Variants in CNOT6 observed in about 807,000 individuals in gnomAD.
CNOT6 encodes carbon catabolite repression 4 protein.
In CNOT6, 12 loss-of-function variants were observed where a neutral mutation model predicts 61.2. The observed-to-expected ratio is 0.20, with a 90% CI of 0.13 to 0.32. The LOEUF (loss-of-function observed/expected upper bound fraction) is 0.32. Ranked by LOEUF, CNOT6 falls within the 10% of genes least tolerant of loss-of-function variation. The pLI, the probability that CNOT6 is intolerant of heterozygous loss-of-function variation, is 1.00. For missense variants in CNOT6, 405 were observed against 663.9 expected (o/e 0.61, Z 4.28); for synonymous variants, 225 against 240.6 (o/e 0.94, Z 0.60).
chr5:180,546,544 A>G (rs1455383500), intron 2 of CNOT6, among the ~76,000 whole-genome samples: 2 of 152,084 alleles, frequency 1.3e-5, no homozygotes, highest in Admixed American at 6.6e-5. Flanking sequence ...CCTCCCATCC[A>G]TTATTTCTTT....
In CNOT6 at chr5:180,573,336, C is replaced by G. The variant is rs1375676030; in HGVS notation, c.1462-652C>G. On this transcript the variant is annotated intron_variant, in intron 11 of 11. Transcript: ENST00000261951. ...TGGAGCTGAGGTGTGATGAGAGAGA[C>G]AAGTCTCAACCACACAAATGAGTAG... Among the ~76,000 whole-genome samples, 6 of 151,944 alleles carry G rather than the reference C, an allele frequency of 3.9e-5. No homozygotes were observed. The South Asian group carries it at 1.0e-3, about 26-fold the overall frequency.
intron 3 of CNOT6, among the ~76,000 whole-genome samples, chr5:180,552,465 C>T (rs1348485221): frequency 6.6e-6 from 1 of 151,682 alleles, no homozygotes; most frequent in South Asian, 2.1e-4. Context: ...CACGGTGAAA[C>T]CCCGTCTCTA....
At chr5:180,571,735 CT>C in intron 11 of CNOT6, among the ~76,000 whole-genome samples, 1 of 151,982 alleles carries the variant, frequency 6.6e-6, no homozygotes, top group African/African-American at 2.4e-5. Context: ...CTGGCTAATT[CT>C]TGTATTTTTT....
chr5:180,519,865 C>A (rs142064120), intron 1 of CNOT6, among the ~76,000 whole-genome samples: 1 of 145,784 alleles, frequency 6.9e-6, no homozygotes, highest in Non-Finnish European at 1.5e-5. Flanking sequence ...AAAGGAATCT[C>A]GCTCTATTGC....
intron 1 of CNOT6, among the ~76,000 whole-genome samples, chr5:180,517,094 G>A (rs1757668425): frequency 6.6e-6 from 1 of 152,152 alleles, no homozygotes; most frequent in African/African-American, 2.4e-5. Context: ...GTGGCTTTTA[G>A]CATTTCATTA....
At chr5:180,508,276 C>T (rs972167652) in intron 1 of CNOT6, among the ~76,000 whole-genome samples, 2 of 152,112 alleles carry the variant, frequency 1.3e-5, no homozygotes, top group Non-Finnish European at 2.9e-5. Flanking sequence ...TGGGTGTAAG[C>T]ATAGGAGAAA....
At chr5:180,566,185 G>A (rs968628345) in intron 7 of CNOT6, among the ~76,000 whole-genome samples, 1 of 152,176 alleles carries the variant, frequency 6.6e-6, no homozygotes, top group African/African-American at 2.4e-5. Context: ...GGATTTATGC[G>A]TTTGCCATGA....
intron 3 of CNOT6, among the ~76,000 whole-genome samples, chr5:180,550,325 C>T (rs1759533503): frequency 6.6e-6 from 1 of 152,004 alleles, no homozygotes. Context: ...GTGGCGGGCA[C>T]CTGTAGTCCC....
At chr5:180,540,882 C>T (rs984912176) in intron 2 of CNOT6, among the ~76,000 whole-genome samples, 2 of 151,930 alleles carry the variant, frequency 1.3e-5, no homozygotes, top group African/African-American at 2.4e-5. Flanking sequence ...AGTATTTTTC[C>T]GTATACTTAG....
intron 2 of CNOT6, among the ~76,000 whole-genome samples, chr5:180,530,107 A>G (rs1758283610): frequency 6.6e-6 from 1 of 152,214 alleles, no homozygotes. Flanking sequence ...CTGTTGGCCT[A>G]TTATGCTTCC....
At chr5:180,527,042 G>A (rs1479308385) in intron 1 of CNOT6, among the ~76,000 whole-genome samples, 1 of 151,984 alleles carries the variant, frequency 6.6e-6, no homozygotes, top group African/African-American at 2.4e-5. Flanking sequence ...ACCATGCTTG[G>A]CTAATTTTTA....
At chr5:180,520,581 G>T (rs1166176790) in intron 1 of CNOT6, among the ~76,000 whole-genome samples, 1 of 152,012 alleles carries the variant, frequency 6.6e-6, no homozygotes, top group Admixed American at 6.5e-5. Context: ...GTCAGAGGTT[G>T]CAGTGAGCCA....
At chr5:180,499,835 CTTAT>C (rs1020078872) in intron 1 of CNOT6, among the ~76,000 whole-genome samples, 2 of 152,292 alleles carry the variant, frequency 1.3e-5, no homozygotes, top group Middle Eastern at 3.4e-3. Context: ...AGAAGAATTA[CTTAT>C]AATCAGATGG....
At chr5:180,544,818 G>A (rs1759231038) in intron 2 of CNOT6, among the ~76,000 whole-genome samples, 1 of 152,166 alleles carries the variant, frequency 6.6e-6, no homozygotes, top group African/African-American at 2.4e-5. Flanking sequence ...AGGGAACCAG[G>A]CGCAGTGGCT....
At chr5:180,496,122 C>A (rs1490883456) in intron 1 of CNOT6, among the ~76,000 whole-genome samples, 1 of 152,134 alleles carries the variant, frequency 6.6e-6, no homozygotes, top group East Asian at 1.9e-4. Context: ...AGGCTGGTCT[C>A]CGACTCCAGG....
At position 180,564,494 on chromosome 5, in the gene CNOT6, C is replaced by T. The variant is rs765996673; in HGVS notation, c.391C>T (p.Pro131Ser). ...TATTTCAAAAATATTTCCAGGAAAT[C>T]CCCTTACCCAGGATATATTGAACCT... ...QLQTLGLKGN[P>S]LTQDILNLYQ... Residue 131 changes from proline to serine, a missense_variant, in exon 5 of 12, where the codon CCC (proline) becomes TCC (serine). Physicochemically the swap from Pro to Ser is moderately conservative, Grantham distance 74. Around this residue, in one of 5 missense-constraint regions of CNOT6, gnomAD observed 212 missense variants for 307.1 expected, o/e 0.69. Transcript: ENST00000261951. 6.3e-7 allele frequency: 1 copy of T among 1,597,716 alleles called. No homozygotes were observed. The highest frequency in any genetic ancestry group is 1.7e-5 in the Admixed American group (1 of 57,438).
rs1186151182 is a variant in CNOT6, at chr5:180,571,511, CTG to C, written c.1461+82_1461+83del. 3.2e-5 allele frequency: 32 copies of C among 1,012,238 alleles called. No individual in the cohort carries two copies. The African/African-American group carries it at 3.2e-4, about 10-fold the overall frequency. The allele number at this position is 1,012,238 out of a possible 1,614,324, so 62.7% of individuals were successfully genotyped here. On this transcript the variant is annotated intron_variant, in intron 11 of 11. Transcript: ENST00000261951. Reference sequence around the variant, plus strand: ...CTGATACATCATTATGTCTTTAAAACTGTGGCTGTGTGTTCAGGCTGGAATGA... The same window carrying C: ...CTGATACATCATTATGTCTTTAAAACTGGCTGTGTGTTCAGGCTGGAATGA...
intron 1 of CNOT6, among the ~76,000 whole-genome samples, chr5:180,527,508 G>A (rs947861018): frequency 6.6e-6 from 1 of 152,086 alleles, no homozygotes; most frequent in Non-Finnish European, 1.5e-5. Flanking sequence ...TATTAAATAC[G>A]TTCACATGGT....
intron 1 of CNOT6, among the ~76,000 whole-genome samples, chr5:180,496,099 T>C (rs1262393668): frequency 2.0e-5 from 3 of 152,112 alleles, no homozygotes; most frequent in African/African-American, 7.2e-5. Context: ...TGTAGAGCCT[T>C]GCTCTGTTGC....
Sources: gnomAD v4.1 joint callset for allele counts (sites outside exome capture counted in the v4.1 genomes callset) on GRCh38, gnomAD v4.1.1 for gene constraint, gnomAD v4.1.1 regional missense constraint, MANE v1.5 for transcripts, NCBI Gene and HGNC (gene_info 2026-07-23, HGNC 2026-07-21) for gene names.